The following TAOK3 variants were observed in gnomAD, a reference collection of about 807,000 sequenced individuals.
The protein encoded by TAOK3 is serine/threonine-protein kinase TAO3.
A neutral mutation model predicts 120.4 loss-of-function variants in TAOK3; 40 were observed. That is an observed-to-expected ratio of 0.33 (90% confidence interval 0.26 to 0.43). TAOK3 has a LOEUF of 0.43. Among genes scored for constraint, TAOK3 ranks in the 20% least tolerant of loss-of-function variants. The probability of loss-of-function intolerance (pLI) is 1.00; values close to 1 mark genes in which losing one functional copy is unlikely to be tolerated. For missense variants in TAOK3, 821 were observed against 1,112.1 expected (o/e 0.74, Z 3.72); for synonymous variants, 355 against 387.5 (o/e 0.92, Z 0.99).
intron 1 of TAOK3, among the ~76,000 whole-genome samples, chr12:118,287,316 C>T (rs985119308): frequency 2.6e-5 from 4 of 152,058 alleles, no homozygotes; most frequent in African/African-American, 9.7e-5. Context: ...TGCAGTGGTG[C>T]GATCTCTGCT....
rs2035115914 is a variant in TAOK3, at chr12:118,160,062, T to C, written c.2352+84A>G. 2 of 1,153,562 alleles carry C rather than the reference T, an allele frequency of 1.7e-6. No individual in the cohort carries two copies. Among genetic ancestry groups the C allele is most frequent in the Admixed American group, 3.6e-5 (2 of 54,890 alleles). 71.5% of individuals were successfully genotyped at this position (1,153,562 alleles called of 1,614,324 possible). On this transcript the variant is annotated intron_variant, in intron 19 of 20. Transcript: ENST00000392533. The surrounding 1 kb of genome is among the most constrained non-coding windows in gnomAD (Gnocchi z 4.2). ...TCAATATCCTAAATTTGTGCAAGAA[T>C]CATCTTGGGAACAACAGGCTGGATC... is the stretch of plus-strand genomic sequence containing the variant.
chr12:118,193,049 G>GTTTTGTTGTTT (rs2037515115), intron 13 of TAOK3, among the ~76,000 whole-genome samples: 1 of 107,408 alleles, frequency 9.3e-6, no homozygotes, highest in Non-Finnish European at 1.8e-5. Flanking sequence ...CCACGTTGTT[G>GTTTTGTTGTTT]TTTTTTTTTT....
At chr12:118,159,087 A>G (rs1182872585) in intron 19 of TAOK3, among the ~76,000 whole-genome samples, 1 of 152,048 alleles carries the variant, frequency 6.6e-6, no homozygotes, top group Non-Finnish European at 1.5e-5. Context: ...GGTTCCTGCA[A>G]TCTTCCTCCT....
In TAOK3 at chr12:118,160,915, G is replaced by C. The variant is rs914279200; in HGVS notation, c.2140-557C>G. Among the ~76,000 whole-genome samples, 2 of 152,192 alleles carry C rather than the reference G, an allele frequency of 1.3e-5. No individual in the cohort carries two copies. The highest frequency in any genetic ancestry group is 2.9e-5 in the Non-Finnish European group (2 of 68,034). On this transcript the variant is annotated intron_variant, in intron 18 of 20. Coordinates refer to ENST00000392533, the MANE Select transcript of TAOK3 (RefSeq NM_016281.4). The surrounding 1 kb of genome is among the most constrained non-coding windows in gnomAD (Gnocchi z 4.2). Reference sequence around the variant, plus strand: ...TTTCTACTGGATTTCAGCGTAAACTGAGAGAGAAAAGTGATTTAGAATTTT... The same window carrying C: ...TTTCTACTGGATTTCAGCGTAAACTCAGAGAGAAAAGTGATTTAGAATTTT...
intron 1 of TAOK3, among the ~76,000 whole-genome samples, chr12:118,337,766 G>A (rs1473262458): frequency 2.0e-5 from 3 of 152,188 alleles, no homozygotes; most frequent in Non-Finnish European, 4.4e-5. Flanking sequence ...AGAGGGTGGT[G>A]GAAGGGGGAT....
Position 118,199,260 on chromosome 12 carries a change from G to A in TAOK3, c.988-3C>T. On this transcript the variant is annotated splice_region_variant and splice_polypyrimidine_tract_variant and intron_variant, in intron 12 of 20. Coordinates refer to ENST00000392533, the MANE Select transcript of TAOK3 (RefSeq NM_016281.4). ...AGGCTGGTTCCATGTTCACTGTCCT[G>A]TAAAAATGGGGCACTGAGGTTAGAA... 1.9e-6 allele frequency: 3 copies of A among 1,608,822 alleles called. No homozygotes were observed. The highest frequency in any genetic ancestry group is 2.6e-6 in the Non-Finnish European group (3 of 1,175,430).
rs944629650 is a variant in TAOK3, at chr12:118,225,168, A to G, written c.643+8506T>C. ...GAGGCTGAGGCAGGAGAATCACTTG[A>G]GTCCAGGGGGTGGAGGTTGCAGTGA... On this transcript the variant is annotated intron_variant, in intron 9 of 20. Transcript: ENST00000392533. Among the ~76,000 whole-genome samples the G allele has an allele frequency of 4.1e-5, 6 of 144,682 alleles. No homozygotes were observed. The Admixed American group carries it at 4.4e-4, about 11-fold the overall frequency. The allele number at this position is 144,682 out of a possible 152,430, so 94.9% of individuals were successfully genotyped here.
intron 1 of TAOK3, among the ~76,000 whole-genome samples, chr12:118,339,969 T>G (rs909499511): frequency 6.6e-6 from 1 of 152,238 alleles, no homozygotes; most frequent in East Asian, 1.9e-4. Flanking sequence ...TGTCAAATTA[T>G]TAATATCTTA....
At chr12:118,212,787 GGA>G (rs1323532049) in intron 11 of TAOK3, 125 bp downstream of exon 11, 1 of 588,930 alleles carries the variant, frequency 1.7e-6, no homozygotes, top group East Asian at 3.0e-5. Context: ...ACTTATCTCA[GGA>G]TAAATGACAA....
Position 118,338,167 on chromosome 12 carries a change from T to C in TAOK3, c.-194+34481A>G, listed in dbSNP as rs554706674. On this transcript the variant is annotated intron_variant, in intron 1 of 20. Coordinates refer to ENST00000392533, the MANE Select transcript of TAOK3 (RefSeq NM_016281.4). ...TTGAGTTGCTCTTTTGTGTGAAGCA[T>C]TAGCTTATGTGCTGGTGGGATGCGG... 2.6e-5 allele frequency among the ~76,000 whole-genome samples: 4 copies of C among 152,346 alleles called. No homozygotes were observed. In the South Asian group the frequency reaches 8.3e-4, roughly 32 times the overall value.
chr12:118,328,654 C>T (rs2044026499), intron 1 of TAOK3, among the ~76,000 whole-genome samples: 1 of 152,096 alleles, frequency 6.6e-6, no homozygotes, highest in Non-Finnish European at 1.5e-5. Flanking sequence ...ACATTTTATG[C>T]TAATTATTTC....
intron 2 of TAOK3, among the ~76,000 whole-genome samples, chr12:118,266,113 C>T (rs1378691837): frequency 1.3e-5 from 2 of 151,838 alleles, no homozygotes; most frequent in Non-Finnish European, 2.9e-5. Context: ...TTTCTTTTAA[C>T]CAAATAATTC....
At chr12:118,304,471 C>T (rs932560417) in intron 1 of TAOK3, among the ~76,000 whole-genome samples, 8 of 152,104 alleles carry the variant, frequency 5.3e-5, no homozygotes, top group African/African-American at 1.7e-4. Context: ...TAGACTTCTT[C>T]GTATGATAAC....
At chr12:118,307,880 C>T (rs1016986483) in intron 1 of TAOK3, among the ~76,000 whole-genome samples, 9 of 151,432 alleles carry the variant, frequency 5.9e-5, no homozygotes, top group African/African-American at 1.7e-4. Context: ...CTGGCCATAG[C>T]GAAAAAGGGT....
At chr12:118,240,315 G>C (rs1565997614) in intron 5 of TAOK3, among the ~76,000 whole-genome samples, 1 of 151,814 alleles carries the variant, frequency 6.6e-6, no homozygotes, top group Non-Finnish European at 1.5e-5. Flanking sequence ...GAGTAGCTGG[G>C]ATTACAGGCA....
intron 11 of TAOK3, among the ~76,000 whole-genome samples, chr12:118,211,133 T>G (rs1212093666): frequency 1.3e-5 from 2 of 152,202 alleles, no homozygotes; most frequent in African/African-American, 4.8e-5. Flanking sequence ...AGAATAGTAC[T>G]TGACACCCAG....
chr12:118,255,671 G>C lies in TAOK3; in HGVS notation c.-88-16C>G, dbSNP rs2040950484. 1 of 1,225,754 alleles carries C rather than the reference G, an allele frequency of 8.2e-7. No individual in the cohort carries two copies. The highest frequency in any genetic ancestry group is 1.7e-5 in the South Asian group (1 of 59,122). The allele number at this position is 1,225,754 out of a possible 1,614,324, so 75.9% of individuals were successfully genotyped here. The stretch of plus-strand genomic sequence containing the variant: ...TCTTCAGTACCTGTAGAAAAATAAG[G>C]TTTGCCATTAAATTATTTCTAACAC... On this transcript the variant is annotated splice_polypyrimidine_tract_variant and intron_variant, in intron 2 of 20. Coordinates refer to ENST00000392533, the MANE Select transcript of TAOK3 (RefSeq NM_016281.4).
chr12:118,215,458 G>A (rs1193973624), intron 9 of TAOK3, among the ~76,000 whole-genome samples: 5 of 151,742 alleles, frequency 3.3e-5, no homozygotes, highest in Non-Finnish European at 1.5e-5. Flanking sequence ...CTTGCAGTAA[G>A]CCAAGATCGC....
intron 9 of TAOK3, among the ~76,000 whole-genome samples, chr12:118,214,803 T>C (rs571979373): frequency 6.0e-4 from 89 of 149,540 alleles, no homozygotes; most frequent in Admixed American, 4.2e-3. Flanking sequence ...TGGAGTGCAA[T>C]GGAACGATCC....
Sources: allele counts gnomAD v4.1 joint callset (sites outside exome capture counted in the v4.1 genomes callset), GRCh38; gene constraint gnomAD v4.1.1; non-coding constraint Gnocchi (gnomAD v3.1); transcripts MANE v1.5; gene names NCBI Gene and HGNC (gene_info 2026-07-23, HGNC 2026-07-21).